The following CDH4 variants were observed in gnomAD, a reference collection of about 807,000 sequenced individuals.
CDH4 encodes the protein cadherin 4.
A neutral mutation model predicts 86.0 loss-of-function variants in CDH4; 33 were observed. That is an observed-to-expected ratio of 0.38 (90% CI 0.29 to 0.51). The LOEUF (loss-of-function observed/expected upper bound fraction) is 0.51, where lower values mean the gene tolerates loss of function less well. CDH4 is among the 20% of genes least tolerant of loss of function. The pLI is 0.86. For synonymous variants in CDH4, 555 were observed against 549.4 expected (o/e 1.01, Z -0.14); for missense variants, 1,114 against 1,307.4 (o/e 0.85, Z 2.28).
intron 6 of CDH4, among the ~76,000 whole-genome samples, chr20:61,870,406 G>A (rs1209588543): frequency 9.9e-5 from 15 of 152,208 alleles, no homozygotes; most frequent in East Asian, 5.8e-4. Context: ...CATCCAGCCC[G>A]AGAGACCGTC....
intron 2 of CDH4, among the ~76,000 whole-genome samples, chr20:61,656,445 G>C (rs1372678007): frequency 6.6e-6 from 1 of 152,116 alleles, no homozygotes; most frequent in East Asian, 1.9e-4. Flanking sequence ...GGGGTGGAAA[G>C]GTTTGTGATT....
intron 3 of CDH4, among the ~76,000 whole-genome samples, chr20:61,767,892 G>C (rs755308080): frequency 5.9e-5 from 9 of 152,170 alleles, no homozygotes; most frequent in Admixed American, 1.3e-4. Flanking sequence ...AACATCCCTG[G>C]GGAGCCATCC....
intron 2 of CDH4, among the ~76,000 whole-genome samples, chr20:61,617,810 C>G (rs2427190): frequency 0.98 from 149,858 of 152,316 alleles, 73,736 homozygotes; most frequent in East Asian, 1. Context: ...GTTTGGCTGT[C>G]TCCCCACCCA....
At chr20:61,352,934 C>T (rs2084721853) in intron 2 of CDH4, among the ~76,000 whole-genome samples, 1 of 152,082 alleles carries the variant, frequency 6.6e-6, no homozygotes, top group Non-Finnish European at 1.5e-5. Flanking sequence ...GTTCCAGGAC[C>T]CAGGAAGCCT....
intron 9 of CDH4, among the ~76,000 whole-genome samples, chr20:61,918,711 A>G (rs1377658932): frequency 6.6e-6 from 1 of 152,014 alleles, no homozygotes; most frequent in Non-Finnish European, 1.5e-5. Flanking sequence ...GTGGTATTGC[A>G]GTGACTGCGT....
rs11481455 is a variant in CDH4 at position 61,937,249 on chromosome 20, G to GAAAAAAAAAAAAAAAAAAAAAAAA, written c.*322_*323insAAAAAAAAAAAAAAAAAAAAAAAA. ...AAAAAAAAAAAAAAGAAGAAAGAAA[G>GAAAAAAAAAAAAAAAAAAAAAAAA]AAAAAAAAAAAAAAAAGAAAGTGCC... is the stretch of plus-strand genomic sequence containing the variant. On this transcript the variant is annotated 3_prime_UTR_variant, in exon 16 of 16. Transcript: ENST00000614565. 1 of 109,710 alleles carries GAAAAAAAAAAAAAAAAAAAAAAAA rather than the reference G, an allele frequency of 9.1e-6. No individual in the cohort carries two copies. Among genetic ancestry groups the GAAAAAAAAAAAAAAAAAAAAAAAA allele is most frequent in the East Asian group, 3.0e-4 (1 of 3,364 alleles). 6.8% of individuals were successfully genotyped at this position (109,710 alleles called of 1,614,324 possible). A position where few individuals can be genotyped will look rare whatever the true frequency, so the allele number is the denominator to read the frequency against.
Position 61,367,630 on chromosome 20 carries a change from C to T in CDH4, c.169+112693C>T, listed in dbSNP as rs377649463. Among the ~76,000 whole-genome samples, 60 of 150,898 alleles carry T rather than the reference C, an allele frequency of 4.0e-4. 1 individual carries two copies. The highest frequency in any genetic ancestry group is 3.9e-3 in the Admixed American group (59 of 15,142). On this transcript the variant is annotated intron_variant, in intron 2 of 15. Transcript: ENST00000614565. ...TAACCTCCAGAATAAACAGGAGCCC[C>T]GAGTCCACACTGAAGTAAATAGAGG... is the stretch of plus-strand genomic sequence containing the variant.
chr20:61,731,390 G>C (rs1048606611), intron 2 of CDH4, among the ~76,000 whole-genome samples: 1 of 152,160 alleles, frequency 6.6e-6, no homozygotes, highest in Non-Finnish European at 1.5e-5. Flanking sequence ...CTGCAGCCCT[G>C]CATGAGATCC....
chr20:61,687,227 C>T (rs1345908772), intron 2 of CDH4, among the ~76,000 whole-genome samples: 1 of 152,188 alleles, frequency 6.6e-6, no homozygotes, highest in Non-Finnish European at 1.5e-5. Flanking sequence ...GCCTATTGTC[C>T]CGTTTTTATT....
At chr20:61,934,488 G>T (rs2123015138) in intron 15 of CDH4, among the ~76,000 whole-genome samples, 1 of 152,328 alleles carries the variant, frequency 6.6e-6, no homozygotes, top group East Asian at 1.9e-4. Context: ...GCACAGCAGG[G>T]GCTTCGTAAG....
intron 2 of CDH4, among the ~76,000 whole-genome samples, chr20:61,496,615 C>T (rs2085664702): frequency 6.6e-6 from 1 of 152,152 alleles, no homozygotes; most frequent in African/African-American, 2.4e-5. Flanking sequence ...GAGAAAAAGC[C>T]ATCCATTTTA....
At chr20:61,271,965 G>A (rs932695510) in intron 2 of CDH4, among the ~76,000 whole-genome samples, 1 of 152,204 alleles carries the variant, frequency 6.6e-6, no homozygotes. Flanking sequence ...GGAGCCGTGT[G>A]CATGGAGGAC....
intron 4 of CDH4, among the ~76,000 whole-genome samples, chr20:61,835,991 G>A (rs968497448): frequency 2.6e-5 from 4 of 152,242 alleles, no homozygotes; most frequent in Non-Finnish European, 5.9e-5. Flanking sequence ...CAGGCTGGAG[G>A]GGAAGGCCGG....
In CDH4 at chr20:61,938,099, G is replaced by A. The variant is rs1023506980; in HGVS notation, c.*1156G>A. The A allele has an allele frequency of 6.6e-6, 1 of 152,450 alleles. No homozygotes were observed. Among genetic ancestry groups the A allele is most frequent in the Non-Finnish European group, 1.5e-5 (1 of 68,232 alleles). The allele number at this position is 152,450 out of a possible 1,614,324, so 9.4% of individuals were successfully genotyped here. Reference sequence around the variant, plus strand: ...GCTTGTGAGCCTGTGTGGGTGGCAGGAGGCCCCGTCTTGCCGTGCCTACCT... The same window carrying A: ...GCTTGTGAGCCTGTGTGGGTGGCAGAAGGCCCCGTCTTGCCGTGCCTACCT... On this transcript the variant is annotated 3_prime_UTR_variant, in exon 16 of 16. Coordinates refer to ENST00000614565, the MANE Select transcript of CDH4 (RefSeq NM_001794.5).
intron 9 of CDH4, among the ~76,000 whole-genome samples, chr20:61,918,067 G>C (rs34877646): frequency 0.082 from 12,489 of 152,322 alleles, 703 homozygotes; most frequent in African/African-American, 0.16. Context: ...CCAGCCAGCT[G>C]CTGGAGGGCC....
rs1011271841 is a variant in CDH4, at chr20:61,754,761, G to C, written c.396+10972G>C. On this transcript the variant is annotated intron_variant, in intron 3 of 15. Transcript: ENST00000614565. This position sits in a 1 kb window ranked among gnomAD's most constrained non-coding sequence, Gnocchi z 4.7. ...ACACACTATGCACACCACACACACA[G>C]TGCATGCCACACACACCACACACAC... Among the ~76,000 whole-genome samples the C allele has an allele frequency of 5.1e-5, 7 of 137,328 alleles. No homozygotes were observed. The highest frequency in any genetic ancestry group is 7.8e-5 in the Non-Finnish European group (5 of 64,086). The allele number at this position is 137,328 out of a possible 152,430, so 90.1% of individuals were successfully genotyped here.
chr20:61,464,460 A>C (rs1052721605), intron 2 of CDH4, among the ~76,000 whole-genome samples: 1 of 152,228 alleles, frequency 6.6e-6, no homozygotes, highest in African/African-American at 2.4e-5. Context: ...ATGCCCGGCT[A>C]TAGACCAGAA....
rs138074143 is a variant in CDH4 at position 61,783,685 on chromosome 20, A to G, written c.576+10503A>G. 3.6e-3 allele frequency among the ~76,000 whole-genome samples: 481 copies of G among 132,030 alleles called. 43 individuals carry two copies. Among genetic ancestry groups the G allele is most frequent in the African/African-American group, 0.013 (442 of 33,444 alleles). 86.6% of individuals were successfully genotyped at this position (132,030 alleles called of 152,430 possible). A position where few individuals can be genotyped will look rare whatever the true frequency, so the allele number is the denominator to read the frequency against. ...GGCCCTCAGGTGTCTTGTGCCCCCAAGAGAAATGTAATCCCAGTTCCTTGG... is the reference window on the plus strand; with the variant it reads ...GGCCCTCAGGTGTCTTGTGCCCCCAGGAGAAATGTAATCCCAGTTCCTTGG... On this transcript the variant is annotated intron_variant, in intron 4 of 15. Transcript: ENST00000614565.
intron 2 of CDH4, among the ~76,000 whole-genome samples, chr20:61,696,758 C>A (rs1369146899): frequency 1.3e-5 from 2 of 152,208 alleles, no homozygotes; most frequent in East Asian, 1.9e-4. Context: ...AACATACATC[C>A]ATGTCCTCAC....
Sources: allele counts gnomAD v4.1 joint callset (sites outside exome capture counted in the v4.1 genomes callset), GRCh38; gene constraint gnomAD v4.1.1; non-coding constraint Gnocchi (gnomAD v3.1); transcripts MANE v1.5; gene names NCBI Gene and HGNC (gene_info 2026-07-23, HGNC 2026-07-21).